Variants in CNTNAP5 observed in about 807,000 individuals in gnomAD.
The protein encoded by CNTNAP5 is contactin associated protein family member 5, also known as contactin-associated protein-like 5.
In CNTNAP5, 72 loss-of-function variants were observed where a neutral mutation model predicts 150.2. The observed-to-expected ratio is 0.48, with a 90% CI of 0.40 to 0.58. CNTNAP5 has a LOEUF of 0.58. Among genes scored for constraint, CNTNAP5 ranks in the 20% least tolerant of loss-of-function variants. The pLI is 0.00. For synonymous variants in CNTNAP5, 672 were observed against 619.8 expected, an observed-to-expected ratio of 1.08 and a Z score of -1.25; for missense variants, 1,636 against 1,626.2, an observed-to-expected ratio of 1.01 and a Z score of -0.10.
chr2:124,451,352 A>C (rs1692977770), intron 6 of CNTNAP5, among the ~76,000 whole-genome samples: 1 of 151,834 alleles, frequency 6.6e-6, no homozygotes, highest in Admixed American at 6.6e-5. Context: ...TTTTAAACGT[A>C]AGAGTGCTGG....
At chr2:124,656,170 A>G (rs141711471) in intron 13 of CNTNAP5, among the ~76,000 whole-genome samples, 1 of 152,200 alleles carries the variant, frequency 6.6e-6, no homozygotes, top group Admixed American at 6.5e-5. Flanking sequence ...TTAAATGACA[A>G]TGTCATCTTC....
intron 6 of CNTNAP5, among the ~76,000 whole-genome samples, chr2:124,470,026 C>T (rs1485928150): frequency 1.3e-5 from 2 of 152,076 alleles, no homozygotes; most frequent in Non-Finnish European, 2.9e-5. Context: ...AATAGTGCTG[C>T]AATGAACATA....
At chr2:124,425,978 G>A (rs1387697322) in intron 4 of CNTNAP5, among the ~76,000 whole-genome samples, 1 of 152,014 alleles carries the variant, frequency 6.6e-6, no homozygotes, top group Non-Finnish European at 1.5e-5. Context: ...TTATTCAACA[G>A]TCCAGTTGAA....
chr2:124,695,666 G>A (rs528107032), intron 13 of CNTNAP5, among the ~76,000 whole-genome samples: 1 of 152,294 alleles, frequency 6.6e-6, no homozygotes, highest in East Asian at 1.9e-4. Context: ...GAAAGTCTGT[G>A]TTAATCGAAA....
chr2:124,190,385 G>C (rs1275877100), intron 1 of CNTNAP5, among the ~76,000 whole-genome samples: 1 of 152,094 alleles, frequency 6.6e-6, no homozygotes, highest in Non-Finnish European at 1.5e-5. Flanking sequence ...AGGAGGAGAT[G>C]AGTGCGTGAG....
intron 1 of CNTNAP5, among the ~76,000 whole-genome samples, chr2:124,184,852 A>G (rs1372307322): frequency 1.3e-5 from 2 of 152,196 alleles, no homozygotes; most frequent in Non-Finnish European, 2.9e-5. Flanking sequence ...AACTGGGAAG[A>G]AGATGGCATG....
At chr2:124,125,229 A>G (rs778648690) in intron 1 of CNTNAP5, among the ~76,000 whole-genome samples, 3 of 152,222 alleles carry the variant, frequency 2.0e-5, no homozygotes, top group Non-Finnish European at 2.9e-5. Context: ...TCTACCAAGC[A>G]AATGGAGAAC....
rs992845807 is a variant in CNTNAP5 at position 124,824,569 on chromosome 2, A to G, written c.3217+26249A>G. Among the ~76,000 whole-genome samples, 19 of 152,244 alleles carry G rather than the reference A, an allele frequency of 1.2e-4. 1 individual carries two copies. The South Asian group carries it at 3.3e-3, about 27-fold the overall frequency. ...TCAGTAATGGCATCTGGTGAAGGTT[A>G]GCATGAAAAAAAATCCATGGTTTGT... On this transcript the variant is annotated intron_variant, in intron 19 of 23. Transcript: ENST00000682447.
intron 2 of CNTNAP5, among the ~76,000 whole-genome samples, chr2:124,240,873 G>C (rs565315203): frequency 2.0e-5 from 3 of 152,226 alleles, no homozygotes; most frequent in African/African-American, 7.2e-5. Flanking sequence ...AGGAGCTGGG[G>C]CTCTAGAAAA....
At chr2:124,279,910 T>TA (rs901387284) in intron 3 of CNTNAP5, among the ~76,000 whole-genome samples, 17 of 151,690 alleles carry the variant, frequency 1.1e-4, no homozygotes, top group African/African-American at 3.6e-4. Context: ...CTTTGTCACC[T>TA]AAAAAAAATA....
chr2:124,032,255 G>A (rs958787836), intron 1 of CNTNAP5, among the ~76,000 whole-genome samples: 1 of 152,236 alleles, frequency 6.6e-6, no homozygotes, highest in African/African-American at 2.4e-5. Context: ...GATTTCAACT[G>A]TCAGATTTTG....
At chr2:124,341,981 C>T (rs779951296) in intron 3 of CNTNAP5, among the ~76,000 whole-genome samples, 16 of 152,236 alleles carry the variant, frequency 1.1e-4, no homozygotes, top group Non-Finnish European at 1.9e-4. Context: ...TTTGGAGACT[C>T]ATAACCAGGT....
chr2:124,861,891 G>C (rs535069540), intron 19 of CNTNAP5, among the ~76,000 whole-genome samples: 1 of 152,260 alleles, frequency 6.6e-6, no homozygotes, highest in African/African-American at 2.4e-5. Context: ...TCCACTCACT[G>C]CAACCTCTAC....
At position 124,647,841 on chromosome 2, in the gene CNTNAP5, A is replaced by C; in HGVS notation, c.1960A>C (p.Met654Leu). Residue 654 changes from methionine (M) to leucine (L), a missense_variant, in exon 13 of 24, where the codon ATG becomes CTG. Transcript: ENST00000682447. The stretch of plus-strand genomic sequence containing the variant: ...CGCTAACCCTGAGAAGCCCTATGCC[A>C]TGGCCTTGGACTACGGGGGCAGCAT... ...RGANPEKPYA[M>L]ALDYGGSMEQ... The C allele has an allele frequency of 6.2e-7, 1 of 1,613,562 alleles. No homozygotes were observed. Among genetic ancestry groups the C allele is most frequent in the Non-Finnish European group, 8.5e-7 (1 of 1,179,740 alleles).
At chr2:124,049,004 AG>A (rs1471916031) in intron 1 of CNTNAP5, among the ~76,000 whole-genome samples, 1 of 152,216 alleles carries the variant, frequency 6.6e-6, no homozygotes, top group African/African-American at 2.4e-5. Flanking sequence ...TCAATGTGCA[AG>A]GGAGGATGTC....
At chr2:124,534,582 T>C (rs1695185976) in intron 10 of CNTNAP5, among the ~76,000 whole-genome samples, 1 of 152,066 alleles carries the variant, frequency 6.6e-6, no homozygotes, top group Admixed American at 6.5e-5. Context: ...CCACACACAT[T>C]CATTTAAGAA....
intron 19 of CNTNAP5, among the ~76,000 whole-genome samples, chr2:124,850,292 A>C (rs1683128940): frequency 6.6e-6 from 1 of 152,218 alleles, no homozygotes; most frequent in South Asian, 2.1e-4. Flanking sequence ...AGTTAAAATG[A>C]AGTCATACTG....
intron 1 of CNTNAP5, among the ~76,000 whole-genome samples, chr2:124,082,379 C>T (rs1682580749): frequency 6.8e-6 from 1 of 146,586 alleles, no homozygotes; most frequent in Non-Finnish European, 1.5e-5. Context: ...AAAAAGGACT[C>T]ATACAGAATC....
At chr2:124,871,336 T>C (rs527707718) in intron 21 of CNTNAP5, among the ~76,000 whole-genome samples, 4 of 151,096 alleles carry the variant, frequency 2.6e-5, no homozygotes, top group African/African-American at 9.9e-5. Context: ...TCTTGGAAGA[T>C]AATTTTGCTA....
Sources: allele counts gnomAD v4.1 joint callset (sites outside exome capture counted in the v4.1 genomes callset), GRCh38; gene constraint gnomAD v4.1.1; transcripts MANE v1.5; gene names NCBI Gene and HGNC (gene_info 2026-07-23, HGNC 2026-07-21).